Variants in PRICKLE1 observed in about 807,000 individuals in gnomAD.
The protein encoded by PRICKLE1 is prickle-like protein 1.
PRICKLE1 carries 14 observed loss-of-function variants against 70.2 expected under a neutral mutation model. The observed-to-expected ratio is 0.20, with a 90% CI of 0.13 to 0.31. PRICKLE1 has a LOEUF of 0.31. Ranked by LOEUF, PRICKLE1 falls within the 10% of genes least tolerant of loss-of-function variation. PRICKLE1 has a pLI of 1.00. For missense variants in PRICKLE1, 821 were observed against 1,026.2 expected, an observed-to-expected ratio of 0.80 and a Z score of 2.73; for synonymous variants, 357 against 379.9, an observed-to-expected ratio of 0.94 and a Z score of 0.70.
chr12:42,569,789 T>C (rs748432552), intron 1 of PRICKLE1, among the ~76,000 whole-genome samples: 1 of 152,200 alleles, frequency 6.6e-6, no homozygotes, highest in Non-Finnish European at 1.5e-5. Context: ...AATGGCAACA[T>C]ATCACTTCAC....
chr12:42,557,766 CTG>C (rs1433262419), intron 1 of PRICKLE1, among the ~76,000 whole-genome samples: 2 of 152,172 alleles, frequency 1.3e-5, no homozygotes, highest in African/African-American at 4.8e-5. Flanking sequence ...GGTTTCATGA[CTG>C]TTTTATGTAA....
At chr12:42,474,117 C>T (rs751461225) in intron 1 of PRICKLE1, among the ~76,000 whole-genome samples, 1 of 151,900 alleles carries the variant, frequency 6.6e-6, no homozygotes, top group Non-Finnish European at 1.5e-5. Context: ...ACTAAAAACA[C>T]AAAAATTAGC....
chr12:42,528,711 T>C (rs577688690), intron 1 of PRICKLE1, among the ~76,000 whole-genome samples: 19 of 152,324 alleles, frequency 1.2e-4, no homozygotes, highest in African/African-American at 4.6e-4. Flanking sequence ...GTTCAGAATA[T>C]GCCAGTTTGT....
At position 42,520,853 on chromosome 12, in the gene PRICKLE1, A is replaced by G. The variant is rs78024756; in HGVS notation, c.-48-48289T>C. Among the ~76,000 whole-genome samples, 160 of 152,304 alleles carry G rather than the reference A, an allele frequency of 1.1e-3. 4 individuals are homozygous for G. In the East Asian group the frequency reaches 0.027, roughly 26 times the overall value. Reference sequence around the variant, plus strand: ...GATGTGAGAGTCTGTGCTCACATCTATTGACAGAGGGATAAATATGTTAAA... The same window carrying G: ...GATGTGAGAGTCTGTGCTCACATCTGTTGACAGAGGGATAAATATGTTAAA... On this transcript the variant is annotated intron_variant, in intron 1 of 7. Transcript: ENST00000345127.
intron 1 of PRICKLE1, among the ~76,000 whole-genome samples, chr12:42,553,145 AT>A (rs572856227): frequency 2.3e-4 from 34 of 147,700 alleles, no homozygotes; most frequent in South Asian, 2.1e-4. Context: ...AGGTTCTTAA[AT>A]TTTTTTTTTT....
At chr12:42,481,400 A>G (rs551463927) in intron 1 of PRICKLE1, among the ~76,000 whole-genome samples, 105 of 152,278 alleles carry the variant, frequency 6.9e-4, no homozygotes, top group African/African-American at 2.3e-3. Flanking sequence ...GCATTGTAAG[A>G]TCCCTATGAA....
At chr12:42,563,702 C>CA (rs11367725) in intron 1 of PRICKLE1, among the ~76,000 whole-genome samples, 11,971 of 46,400 alleles carry the variant, frequency 0.26, 2,727 homozygotes, top group Middle Eastern at 0.38. Flanking sequence ...GACTCTGTCT[C>CA]AAAAAAAAAA....
chr12:42,553,575 C>G (rs553603776), intron 1 of PRICKLE1, among the ~76,000 whole-genome samples: 2 of 152,148 alleles, frequency 1.3e-5, no homozygotes, highest in South Asian at 4.1e-4. Context: ...CCATCATTGC[C>G]CAGGGTAACG....
At chr12:42,565,451 C>T (rs943001097) in intron 1 of PRICKLE1, among the ~76,000 whole-genome samples, 1 of 152,128 alleles carries the variant, frequency 6.6e-6, no homozygotes, top group Non-Finnish European at 1.5e-5. Flanking sequence ...AATCCCCTGC[C>T]CCAAATTGGT....
intron 1 of PRICKLE1, among the ~76,000 whole-genome samples, chr12:42,485,897 G>A (rs1043416037): frequency 6.6e-6 from 1 of 152,202 alleles, no homozygotes; most frequent in Non-Finnish European, 1.5e-5. Context: ...AGCGTTTTTA[G>A]TGATGAAGCA....
chr12:42,515,900 C>T (rs1939602598), intron 1 of PRICKLE1, among the ~76,000 whole-genome samples: 1 of 152,134 alleles, frequency 6.6e-6, no homozygotes, highest in Non-Finnish European at 1.5e-5. Flanking sequence ...CTTGGTAAGC[C>T]TTTAAATCCA....
rs1937635864 is a variant in PRICKLE1 at position 42,457,707 on chromosome 12, C to A, written c.*2102G>T. 1 of 152,194 alleles carries A rather than the reference C, an allele frequency of 6.6e-6. No individual in the cohort carries two copies. The highest frequency in any genetic ancestry group is 2.4e-5 in the African/African-American group (1 of 41,438). 9.4% of individuals were successfully genotyped at this position (152,194 alleles called of 1,614,324 possible). ...GCAGTCACTGAAAGAATGGGTAGAC[C>A]TATATGCACTAACGTGAAATGTCCA... is the stretch of plus-strand genomic sequence containing the variant. On this transcript the variant is annotated 3_prime_UTR_variant, in exon 8 of 8. Coordinates refer to ENST00000345127, the MANE Select transcript of PRICKLE1 (RefSeq NM_153026.3).
At chr12:42,489,124 T>C (rs1593133853) in intron 1 of PRICKLE1, among the ~76,000 whole-genome samples, 2 of 151,432 alleles carry the variant, frequency 1.3e-5, no homozygotes, top group East Asian at 2.0e-4. Flanking sequence ...GGTTTCTCCA[T>C]GTTGTTCAGA....
chr12:42,459,139 A>G lies in PRICKLE1; in HGVS notation c.*670T>C. On this transcript the variant is annotated 3_prime_UTR_variant, in exon 8 of 8. Coordinates refer to ENST00000345127, the MANE Select transcript of PRICKLE1 (RefSeq NM_153026.3). ...AACAAACGGCTTACAATTCAGGGAT[A>G]TAAAAATATCAGCTTTAAAATCTGA... The G allele has an allele frequency of 5.5e-6, 3 of 547,086 alleles. No individual in the cohort carries two copies. The highest frequency in any genetic ancestry group is 9.8e-6 in the Non-Finnish European group (3 of 306,572). 33.9% of individuals were successfully genotyped at this position (547,086 alleles called of 1,614,324 possible).
chr12:42,535,036 C>G (rs1230568074), intron 1 of PRICKLE1, among the ~76,000 whole-genome samples: 1 of 152,200 alleles, frequency 6.6e-6, no homozygotes, highest in Admixed American at 6.5e-5. Context: ...AGAACCCACC[C>G]TCGGGTTTAG....
chr12:42,561,881 T>A (rs1351580410), intron 1 of PRICKLE1, among the ~76,000 whole-genome samples: 1 of 151,376 alleles, frequency 6.6e-6, no homozygotes, highest in African/African-American at 2.4e-5. Context: ...AAATATGATG[T>A]TCCACTAATT....
At chr12:42,548,609 G>A (rs1291915025) in intron 1 of PRICKLE1, among the ~76,000 whole-genome samples, 1 of 152,196 alleles carries the variant, frequency 6.6e-6, no homozygotes, top group East Asian at 1.9e-4. Flanking sequence ...GAGTTCCGAA[G>A]AGCAAAGCTA....
chr12:42,556,574 T>A (rs920301763), intron 1 of PRICKLE1, among the ~76,000 whole-genome samples: 7 of 152,196 alleles, frequency 4.6e-5, no homozygotes, highest in Non-Finnish European at 1.0e-4. Flanking sequence ...CCTGTGCTCT[T>A]GGATCTAGAT....
intron 1 of PRICKLE1, among the ~76,000 whole-genome samples, chr12:42,566,550 C>CACAG (rs1346580537): frequency 1.3e-5 from 2 of 152,130 alleles, no homozygotes; most frequent in Non-Finnish European, 2.9e-5. Context: ...ACTGTGTGAC[C>CACAG]ACAGGGATTC....
Sources: gnomAD v4.1 joint callset for allele counts (sites outside exome capture counted in the v4.1 genomes callset) on GRCh38, gnomAD v4.1.1 for gene constraint, MANE v1.5 for transcripts, NCBI Gene and HGNC (gene_info 2026-07-23, HGNC 2026-07-21) for gene names.